Variants in BCKDHB observed in about 807,000 individuals in gnomAD.
The protein encoded by BCKDHB is 2-oxoisovalerate dehydrogenase subunit beta, mitochondrial.
BCKDHB carries 41 observed loss-of-function variants against 48.5 expected under a neutral mutation model. That is an observed-to-expected ratio of 0.85 (90% confidence interval 0.66 to 1.10). The LOEUF (loss-of-function observed/expected upper bound fraction) is 1.10. Ranked by LOEUF, BCKDHB falls within the 50% of genes least tolerant of loss-of-function variation. The pLI is 0.00. For synonymous variants in BCKDHB, 201 were observed against 174.8 expected (o/e 1.15, Z -1.18); for missense variants, 496 against 494.2 (o/e 1.00, Z -0.03).
chr6:80,369,003 A>C, the BCKDHB span, among the ~76,000 whole-genome samples: 2 of 123,958 alleles, frequency 1.6e-5, no homozygotes, highest in Admixed American at 9.3e-5. Flanking sequence ...ACAGAGTGAG[A>C]CTCCATCTCA....
At chr6:80,244,896 A>C (rs1347629724) in intron 8 of BCKDHB, among the ~76,000 whole-genome samples, 1 of 152,202 alleles carries the variant, frequency 6.6e-6, no homozygotes, top group Admixed American at 6.5e-5. Flanking sequence ...CAGTATCTGG[A>C]AGACAGGAAC....
intron 6 of BCKDHB, among the ~76,000 whole-genome samples, chr6:80,182,365 G>A (rs1435927107): frequency 6.6e-6 from 1 of 152,038 alleles, no homozygotes; most frequent in East Asian, 1.9e-4. Flanking sequence ...CTTATGCTAT[G>A]GTATATTTTT....
chr6:80,416,659 T>G, the BCKDHB span, among the ~76,000 whole-genome samples: 1 of 152,102 alleles, frequency 6.6e-6, no homozygotes, highest in Non-Finnish European at 1.5e-5. Context: ...TCTTATGATT[T>G]CCATTCTTTT....
intron 9 of BCKDHB, among the ~76,000 whole-genome samples, chr6:80,340,600 A>G (rs2128017577): frequency 1.3e-5 from 2 of 152,358 alleles, no homozygotes; most frequent in Middle Eastern, 3.4e-3. Flanking sequence ...TCTGAATGAA[A>G]AGTCATCAAA....
Position 80,202,695 on chromosome 6 carries a change from C to T in BCKDHB, c.841-407C>T, listed in dbSNP as rs573685219. ...TCTTTTTATCTCCTTTTTTTCTTTC[C>T]TTCCCTCCATTTTTCCCTCCCTCCC... On this transcript the variant is annotated intron_variant, in intron 7 of 9. Coordinates refer to ENST00000320393, the MANE Select transcript of BCKDHB (RefSeq NM_183050.4). Among the ~76,000 whole-genome samples, 233 of 149,988 alleles carry T rather than the reference C, an allele frequency of 1.6e-3. 2 individuals are homozygous for T. The highest frequency in any genetic ancestry group is 0.01 in the Middle Eastern group (3 of 292).
At chr6:80,397,571 A>G in the BCKDHB span, among the ~76,000 whole-genome samples, 1 of 152,200 alleles carries the variant, frequency 6.6e-6, no homozygotes, top group Admixed American at 6.6e-5. Context: ...TTTTAAAAAA[A>G]TTAACTTCAA....
chr6:80,248,542 C>T (rs982841315), intron 8 of BCKDHB, among the ~76,000 whole-genome samples: 2 of 152,058 alleles, frequency 1.3e-5, no homozygotes, highest in African/African-American at 2.4e-5. Context: ...GGTATGAGCC[C>T]AGAATGCCCA....
intron 6 of BCKDHB, among the ~76,000 whole-genome samples, chr6:80,186,554 T>G (rs1773650841): frequency 6.6e-6 from 1 of 152,258 alleles, no homozygotes; most frequent in Admixed American, 6.5e-5. Flanking sequence ...CACCATCAGC[T>G]GTGGCTTCTG....
chr6:80,434,943 AG>A, the BCKDHB span, among the ~76,000 whole-genome samples: 3 of 152,084 alleles, frequency 2.0e-5, no homozygotes, highest in Non-Finnish European at 4.4e-5. Flanking sequence ...AGATCTTTGG[AG>A]TTTTTTTCTT....
chr6:80,360,836 C>A, the BCKDHB span, among the ~76,000 whole-genome samples: 1 of 151,700 alleles, frequency 6.6e-6, no homozygotes, highest in East Asian at 1.9e-4. Context: ...TGAAACCCGT[C>A]TCTACTAAAA....
At chr6:80,451,439 G>A in the BCKDHB span, among the ~76,000 whole-genome samples, 1 of 151,910 alleles carries the variant, frequency 6.6e-6, no homozygotes, top group African/African-American at 2.4e-5. Context: ...GAGGTTTCTG[G>A]GCCCACTAGA....
At chr6:80,417,513 C>G in the BCKDHB span, among the ~76,000 whole-genome samples, 2 of 152,162 alleles carry the variant, frequency 1.3e-5, no homozygotes, top group Non-Finnish European at 2.9e-5. Flanking sequence ...TCCTTCAGGA[C>G]TTCTTGTAAG....
intron 3 of BCKDHB, among the ~76,000 whole-genome samples, chr6:80,165,719 T>C (rs1247621802): frequency 1.3e-5 from 2 of 152,232 alleles, no homozygotes; most frequent in South Asian, 2.1e-4. Context: ...GTGGTTCGAA[T>C]GGATCGTCTA....
chr6:80,127,427 A>G, intron 1 of BCKDHB, 120 bp from the exon 2 acceptor site: 4 of 826,254 alleles, frequency 4.8e-6, no homozygotes, highest in Non-Finnish European at 8.1e-6. Flanking sequence ...TAATTCAGCA[A>G]TTTGCATAAT....
chr6:80,222,069 T>C (rs1775483569), intron 8 of BCKDHB, among the ~76,000 whole-genome samples: 1 of 152,226 alleles, frequency 6.6e-6, no homozygotes, highest in African/African-American at 2.4e-5. Flanking sequence ...ATTACCCAAA[T>C]ACTGAACATT....
At chr6:80,153,724 C>T (rs1029516119) in intron 3 of BCKDHB, among the ~76,000 whole-genome samples, 3 of 152,034 alleles carry the variant, frequency 2.0e-5, no homozygotes, top group African/African-American at 2.4e-5. Flanking sequence ...CTTGAATGTG[C>T]TTTATCTTAT....
intron 3 of BCKDHB, among the ~76,000 whole-genome samples, chr6:80,147,637 GT>G (rs1771552941): frequency 6.6e-6 from 1 of 152,136 alleles, no homozygotes; most frequent in Non-Finnish European, 1.5e-5. Context: ...GAGTCCAGGC[GT>G]TGTGACCTTC....
At chr6:80,413,491 C>T in the BCKDHB span, among the ~76,000 whole-genome samples, 17 of 152,216 alleles carry the variant, frequency 1.1e-4, no homozygotes, top group South Asian at 2.1e-4. Flanking sequence ...TGTTGTTCTC[C>T]TCTATGTGTC....
intron 8 of BCKDHB, among the ~76,000 whole-genome samples, chr6:80,218,927 A>C (rs1304585186): frequency 6.6e-6 from 1 of 152,170 alleles, no homozygotes; most frequent in Non-Finnish European, 1.5e-5. Flanking sequence ...TGTTGGGGGT[A>C]AGATTTTATT....
Sources: gnomAD v4.1 joint callset for allele counts (sites outside exome capture counted in the v4.1 genomes callset) on GRCh38, gnomAD v4.1.1 for gene constraint, MANE v1.5 for transcripts, NCBI Gene and HGNC (gene_info 2026-07-23, HGNC 2026-07-21) for gene names.